ABL1: variants seen among roughly 807,000 people sequenced by gnomAD.
The protein encoded by ABL1 is tyrosine-protein kinase ABL1.
Under a neutral mutation model 94.7 loss-of-function variants are expected in ABL1, and 11 were observed. The observed-to-expected ratio is 0.12, with a 90% confidence interval of 0.07 to 0.19. The LOEUF (loss-of-function observed/expected upper bound fraction) is 0.19. Among genes scored for constraint, ABL1 ranks in the 10% least tolerant of loss-of-function variants. ABL1 has a pLI of 1.00. For synonymous variants in ABL1, 656 were observed against 622.4 expected, an observed-to-expected ratio of 1.05 and a Z score of -0.80; for missense variants, 1,082 against 1,489.4, an observed-to-expected ratio of 0.73 and a Z score of 4.50.
rs1302490762 is a variant in ABL1, at chr9:130,719,028, C to T, written c.136+4573C>T. ...TGAAAATCATTATTTATGGTATGGC[C>T]CCATTTTTGTAAAACAAAAATATCT... On this transcript the variant is annotated intron_variant, in intron 1 of 10. Transcript: ENST00000372348. Among the ~76,000 whole-genome samples the T allele has an allele frequency of 3.3e-5, 5 of 152,050 alleles. No individual in the cohort carries two copies. In the East Asian group the frequency reaches 9.7e-4, roughly 29 times the overall value.
intron 2 of ABL1, among the ~76,000 whole-genome samples, chr9:130,854,492 A>G (rs1830942310): frequency 6.6e-6 from 1 of 152,150 alleles, no homozygotes; most frequent in Non-Finnish European, 1.5e-5. Context: ...ACTGAACGCA[A>G]TTTTTCCCCT....
rs1261367308 is a variant in ABL1, at chr9:130,714,509, G to A, written c.136+54G>A. 7 of 1,612,314 alleles carry A rather than the reference G, an allele frequency of 4.3e-6. No homozygotes were observed. In the East Asian group the frequency reaches 1.6e-4, roughly 36 times the overall value. On this transcript the variant is annotated intron_variant, in intron 1 of 10. Transcript: ENST00000372348. ...GGTTTTCCTCATGCATTCATCTTAG[G>A]CCTTCAAGGAACTTTGAACAACAGT...
intron 1 of ABL1, among the ~76,000 whole-genome samples, chr9:130,721,104 C>T (rs933806354): frequency 2.6e-5 from 4 of 152,050 alleles, no homozygotes; most frequent in Non-Finnish European, 4.4e-5. Flanking sequence ...GTAGGCCGGG[C>T]GCTGTGACTC....
Position 130,859,685 on chromosome 9 carries a change from T to C in ABL1, c.550-3078T>C, listed in dbSNP as rs1215502818. 7.0e-3 allele frequency among the ~76,000 whole-genome samples: 767 copies of C among 108,832 alleles called. 44 individuals carry two copies. Among genetic ancestry groups the C allele is most frequent in the African/African-American group, 0.032 (719 of 22,548 alleles). 71.4% of individuals were successfully genotyped at this position (108,832 alleles called of 152,430 possible). A position where few individuals can be genotyped will look rare whatever the true frequency, so the allele number is the denominator to read the frequency against. The stretch of plus-strand genomic sequence containing the variant: ...TTTCTTTTCTTTCTTTCCTTTTTTT[T>C]TTTTTTTTTTTTTTTTTTTTTGAGA... On this transcript the variant is annotated intron_variant, in intron 3 of 10. Transcript: ENST00000318560.
At position 130,850,125 on chromosome 9, in the gene ABL1, A is replaced by G. The variant is rs148821949; in HGVS notation, c.80-3939A>G. Among the ~76,000 whole-genome samples the G allele has an allele frequency of 1.7e-3, 254 of 152,344 alleles. 1 individual carries two copies. Among genetic ancestry groups the G allele is most frequent in the African/African-American group, 5.6e-3 (234 of 41,584 alleles). On this transcript the variant is annotated intron_variant, in intron 1 of 10. Coordinates refer to ENST00000318560, the MANE Select transcript of ABL1 (RefSeq NM_005157.6). ...TCTGCTGCTGCATATGTTCCTGTCC[A>G]CAAGAGCCAGTCATGTTTGTTTCCA...
rs1028237007 is a variant in ABL1, at chr9:130,876,857, C to T, written c.1271-1558C>T. On this transcript the variant is annotated intron_variant, in intron 7 of 10. Coordinates refer to ENST00000318560, the MANE Select transcript of ABL1 (RefSeq NM_005157.6). ...GTTCACGTCATTCTCCTGCCTCAGC[C>T]TCCCGAGTAGCTGAGACTATAGGCG... Among the ~76,000 whole-genome samples, 5 of 146,218 alleles carry T rather than the reference C, an allele frequency of 3.4e-5. 1 individual carries two copies. Among genetic ancestry groups the T allele is most frequent in the Admixed American group, 6.8e-5 (1 of 14,762 alleles).
At position 130,875,003 on chromosome 9, in the gene ABL1, A is replaced by G; in HGVS notation, c.1221A>G (p.Ala407=). 1 of 1,614,236 alleles carries G rather than the reference A, an allele frequency of 6.2e-7. No individual in the cohort carries two copies. Residue 407 remains alanine, a synonymous_variant, in exon 7 of 11, where the codon GCA becomes GCG. Coordinates refer to ENST00000318560, the MANE Select transcript of ABL1 (RefSeq NM_005157.6). Reference sequence around the variant, plus strand: ...CCAAGTTCCCCATCAAATGGACTGCACCCGAGAGCCTGGCCTACAACAAGT... The same window carrying G: ...CCAAGTTCCCCATCAAATGGACTGCGCCCGAGAGCCTGGCCTACAACAAGT... ...AGAKFPIKWT[A]PESLAYNKFS...
intron 1 of ABL1, among the ~76,000 whole-genome samples, chr9:130,780,539 G>A (rs1829742835): frequency 6.6e-6 from 1 of 152,132 alleles, no homozygotes; most frequent in Non-Finnish European, 1.5e-5. Context: ...TGCTCACCTC[G>A]TATCTGTACT....
At chr9:130,735,191 G>A (rs1352442612) in intron 1 of ABL1, among the ~76,000 whole-genome samples, 4 of 151,852 alleles carry the variant, frequency 2.6e-5, no homozygotes, top group Non-Finnish European at 5.9e-5. Context: ...CACCACATCT[G>A]GCTAATTTTT....
chr9:130,828,936 T>C (rs983065218), intron 1 of ABL1, among the ~76,000 whole-genome samples: 5 of 152,120 alleles, frequency 3.3e-5, no homozygotes, highest in African/African-American at 4.8e-5. Context: ...CAGAATAATA[T>C]ATGAAAGGCC....
At chr9:130,756,328 A>AT (rs36023901) in intron 1 of ABL1, among the ~76,000 whole-genome samples, 1,574 of 145,978 alleles carry the variant, frequency 0.011, 19 homozygotes, top group African/African-American at 0.031. Context: ...GGAAGTTTTA[A>AT]TTTTTTTTTT....
At chr9:130,716,004 TAAAC>T (rs1039444395) in intron 1 of ABL1, among the ~76,000 whole-genome samples, 10 of 149,054 alleles carry the variant, frequency 6.7e-5, no homozygotes, top group Admixed American at 2.7e-4. Flanking sequence ...CACTCACAGT[TAAAC>T]AAACTAAATA....
intron 1 of ABL1, among the ~76,000 whole-genome samples, chr9:130,750,439 C>T (rs7028615): frequency 0.098 from 2,625 of 26,686 alleles, 252 homozygotes; most frequent in African/African-American, 0.4. Flanking sequence ...CTCCCTCCCT[C>T]CCTCCCTCCT....
rs375582718 is a variant in ABL1, at chr9:130,854,812, C to T, written c.265C>T (p.Arg89Trp). ...TCCTTTCTTCTCAGGTGAAAAGCTCCGGGTCTTAGGCTATAATCACAATGG... is the reference window on the plus strand; with the variant it reads ...TCCTTTCTTCTCAGGTGAAAAGCTCTGGGTCTTAGGCTATAATCACAATGG... ...TLSITKGEKL[R>W]VLGYNHNGEW... Residue 89 changes from arginine to tryptophan, a missense_variant, in exon 3 of 11, where the codon CGG becomes TGG. By Grantham distance (101) the Arg-to-Trp change is moderately radical. Transcript: ENST00000318560. The T allele has an allele frequency of 3.1e-5, 50 of 1,613,280 alleles. No individual in the cohort carries two copies. Among genetic ancestry groups the T allele is most frequent in the Non-Finnish European group, 4.0e-5 (47 of 1,179,430 alleles).
chr9:130,801,608 A>G (rs941365630), intron 1 of ABL1, among the ~76,000 whole-genome samples: 1 of 152,162 alleles, frequency 6.6e-6, no homozygotes, highest in African/African-American at 2.4e-5. Flanking sequence ...TTCTCTGGGT[A>G]TAGAATTATA....
intron 1 of ABL1, among the ~76,000 whole-genome samples, chr9:130,736,718 C>T (rs1434692419): frequency 2.0e-5 from 3 of 152,068 alleles, no homozygotes; most frequent in Non-Finnish European, 4.4e-5. Context: ...CTCAAACTTC[C>T]GATCTCAGGT....
At chr9:130,714,549 C>T (rs2132662214) in intron 1 of ABL1, 3 of 1,487,272 alleles carry the variant, frequency 2.0e-6, no homozygotes, top group African/African-American at 2.8e-5. Flanking sequence ...GCGACAGTTC[C>T]TTCCAATTCC....
intron 7 of ABL1, 91 bp downstream of exon 7, chr9:130,875,143 T>G: frequency 7.2e-7 from 1 of 1,383,482 alleles, no homozygotes; most frequent in Non-Finnish European, 9.8e-7. Context: ...CTTTTCTTCC[T>G]TTCTTTTTGT....
At chr9:130,783,811 A>G (rs879690666) in intron 1 of ABL1, among the ~76,000 whole-genome samples, 1 of 151,932 alleles carries the variant, frequency 6.6e-6, no homozygotes, top group Admixed American at 6.6e-5. Flanking sequence ...GGGCATCACC[A>G]CGCCCAGCTA....
Sources: allele counts gnomAD v4.1 joint callset (sites outside exome capture counted in the v4.1 genomes callset), GRCh38; gene constraint gnomAD v4.1.1; transcripts MANE v1.5; gene names NCBI Gene and HGNC (gene_info 2026-07-23, HGNC 2026-07-21).